MYOT: variants seen among roughly 807,000 people sequenced by gnomAD.
MYOT encodes the protein myotilin, also known as 57 kDa cytoskeletal protein.
MYOT carries 36 observed loss-of-function variants against 58.0 expected under a neutral mutation model. That is an observed-to-expected ratio of 0.62 (90% CI 0.48 to 0.82). The LOEUF (loss-of-function observed/expected upper bound fraction) is 0.82, where lower values mean the gene tolerates loss of function less well. Among genes scored for constraint, MYOT ranks in the 40% least tolerant of loss-of-function variants. The pLI is 0.00. For synonymous variants in MYOT, 218 were observed against 204.6 expected, an observed-to-expected ratio of 1.07 and a Z score of -0.56; for missense variants, 505 against 592.1, an observed-to-expected ratio of 0.85 and a Z score of 1.53.
chr5:137,876,341 A>T, intron 3 of MYOT: 1 of 340,604 alleles, frequency 2.9e-6, no homozygotes, highest in Non-Finnish European at 5.5e-6. Context: ...TATAACACTG[A>T]CAGGTAATTA....
intron 5 of MYOT, 71 bp downstream of exon 5, chr5:137,880,936 T>C: frequency 1.8e-6 from 2 of 1,142,386 alleles, no homozygotes; most frequent in Admixed American, 3.9e-5. Flanking sequence ...AAATGTAATA[T>C]TTATAAAGCC....
intron 2 of MYOT, among the ~76,000 whole-genome samples, chr5:137,871,260 C>T (rs1406844424): frequency 6.6e-6 from 1 of 152,142 alleles, no homozygotes; most frequent in East Asian, 1.9e-4. Flanking sequence ...AATTATTTAC[C>T]CATTATTTTC....
Position 137,882,065 on chromosome 5 carries a change from T to A in MYOT, c.776T>A (p.Met259Lys), listed in dbSNP as rs375509765. 1 of 1,614,022 alleles carries A rather than the reference T, an allele frequency of 6.2e-7. No homozygotes were observed. The highest frequency in any genetic ancestry group is 8.5e-7 in the Non-Finnish European group (1 of 1,180,014). The change falls in exon 6 of 10, where the codon ATG (methionine) becomes AAG (lysine). Residue 259 changes from methionine (M) to lysine (K), a missense_variant. Physicochemically the swap from Met to Lys is moderately conservative, Grantham distance 95. Coordinates refer to ENST00000239926, the MANE Select transcript of MYOT (RefSeq NM_006790.3). Reference sequence around the variant, plus strand: ...CGTTTCATTCAAGTGCCAGAGAACATGTCGATTGATGAAGGAAGATTCTGC... The same window carrying A: ...CGTTTCATTCAAGTGCCAGAGAACAAGTCGATTGATGAAGGAAGATTCTGC... Reference protein sequence around the residue: ...PPRFIQVPENMSIDEGRFCRM... With the variant: ...PPRFIQVPENKSIDEGRFCRM...
At chr5:137,882,212 G>C (rs1011255587) in intron 6 of MYOT, 107 bp downstream of exon 6, 4 of 1,254,736 alleles carry the variant, frequency 3.2e-6, no homozygotes, top group Admixed American at 1.7e-5. Flanking sequence ...ACGTACAATG[G>C]ACAAGAACAC....
In MYOT at chr5:137,886,107, G is replaced by C. The variant is rs755615381; in HGVS notation, c.1084G>C (p.Glu362Gln). 7 of 1,611,412 alleles carry C rather than the reference G, an allele frequency of 4.3e-6. No individual in the cohort carries two copies. Among genetic ancestry groups the C allele is most frequent in the Non-Finnish European group, 5.9e-6 (7 of 1,177,878 alleles). The change falls in exon 8 of 10, where the codon GAG (glutamate) becomes CAG (glutamine). Residue 362 changes from glutamate to glutamine, a missense_variant. Coordinates refer to ENST00000239926, the MANE Select transcript of MYOT (RefSeq NM_006790.3). ...CAAACCACAGAGCAAAAAAGTTTTA[G>C]AGGGAGATTCAGTGAAACTAGAATG... ...IYKPQSKKVL[E>Q]GDSVKLECQI...
At chr5:137,877,362 C>T (rs1365252702) in intron 3 of MYOT, among the ~76,000 whole-genome samples, 158 bp from the exon 4 acceptor site, 22 of 129,040 alleles carry the variant, frequency 1.7e-4, no homozygotes, top group African/African-American at 5.2e-4. Flanking sequence ...AGTAAGACTC[C>T]GTCTCAAAAA....
chr5:137,869,867 T>A (rs1043261617), intron 1 of MYOT, among the ~76,000 whole-genome samples: 3 of 151,348 alleles, frequency 2.0e-5, no homozygotes, highest in African/African-American at 7.4e-5. Flanking sequence ...GGCTCTGGAA[T>A]GCAGCCTGTA....
At chr5:137,885,748 G>A (rs530069765) in intron 7 of MYOT, among the ~76,000 whole-genome samples, 27 of 133,426 alleles carry the variant, frequency 2.0e-4, no homozygotes, top group Admixed American at 6.7e-4. Context: ...CTCCAGCCTG[G>A]GCAAAAGAGC....
At chr5:137,885,959 A>G (rs1755587604) in intron 7 of MYOT, 89 bp from the exon 8 acceptor site, 22 of 862,684 alleles carry the variant, frequency 2.6e-5, no homozygotes, top group Non-Finnish European at 4.0e-5. Context: ...ACATTTTAAT[A>G]TCAACATACA....
intron 5 of MYOT, 150 bp downstream of exon 5, chr5:137,881,015 A>G: frequency 9.8e-6 from 6 of 611,618 alleles, no homozygotes; most frequent in Non-Finnish European, 1.7e-5. Flanking sequence ...GATGACCAAA[A>G]TTTTGACGTT....
rs747546314 is a variant in MYOT, at chr5:137,875,886, T to C, written c.414T>C (p.Asn138=). 1.5e-5 allele frequency: 25 copies of C among 1,613,920 alleles called. No homozygotes were observed. Among genetic ancestry groups the C allele is most frequent in the Middle Eastern group, 3.3e-4 (2 of 6,082 alleles). ...ATGCAAAGCCATCCCAAACTGCAAATGCTAAGCCCATACCAAGAACTCCTG... is the reference window on the plus strand; with the variant it reads ...ATGCAAAGCCATCCCAAACTGCAAACGCTAAGCCCATACCAAGAACTCCTG... The part of the protein sequence containing the change: ...PINAKPSQTA[N]AKPIPRTPDH... Residue 138 remains asparagine, a synonymous_variant, in exon 3 of 10, where the codon AAT becomes AAC. Coordinates refer to ENST00000239926, the MANE Select transcript of MYOT (RefSeq NM_006790.3).
At position 137,887,216 on chromosome 5, in the gene MYOT, G is replaced by A. The variant is rs1390248313; in HGVS notation, c.1328G>A (p.Arg443His). The change falls in exon 10 of 10, where the codon CGT becomes CAT. Residue 443 changes from arginine (R) to histidine (H), a missense_variant. Coordinates refer to ENST00000239926, the MANE Select transcript of MYOT (RefSeq NM_006790.3). ...ACTTTTATGTGATCTATTTCAGCAC[G>A]TCCAAACCAAACTCTTCCAGCTCCT... ...TCNTRLDVTA[R>H]PNQTLPAPKQ... 9.9e-6 allele frequency: 16 copies of A among 1,613,840 alleles called. No individual in the cohort carries two copies. The highest frequency in any genetic ancestry group is 3.3e-5 in the Admixed American group (2 of 60,002).
Position 137,883,553 on chromosome 5 carries a change from CAGG to C in MYOT, c.989_991del (p.Gly330del), listed in dbSNP as rs1341352903. On this transcript the variant is annotated inframe_deletion, in exon 7 of 10. Coordinates refer to ENST00000239926, the MANE Select transcript of MYOT (RefSeq NM_006790.3). ...TATGCATGTGTTGCCAAGAATAGAG[CAGG>C]AGAAGCCACCTTCACTGTGCAGCTG... 4.3e-6 allele frequency: 7 copies of C among 1,614,040 alleles called. No homozygotes were observed. The Admixed American group carries it at 1.2e-4, about 27-fold the overall frequency.
chr5:137,880,475 C>T (rs1755390596), intron 4 of MYOT: 1 of 231,558 alleles, frequency 4.3e-6, no homozygotes, highest in African/African-American at 2.3e-5. Flanking sequence ...TACTAAAGGA[C>T]AATCTGTACT....
chr5:137,879,870 A>T (rs570999790), intron 4 of MYOT, among the ~76,000 whole-genome samples: 1 of 151,994 alleles, frequency 6.6e-6, no homozygotes, highest in Non-Finnish European at 1.5e-5. Context: ...TTACTTTACC[A>T]AAAAATTAGT....
At chr5:137,883,242 T>C in intron 6 of MYOT, 142 bp from the exon 7 acceptor site, 1 of 684,982 alleles carries the variant, frequency 1.5e-6, no homozygotes, top group Non-Finnish European at 2.6e-6. Flanking sequence ...TAAAAAATTA[T>C]AAATACTTTT....
At chr5:137,872,559 A>G (rs1285569044) in intron 2 of MYOT, among the ~76,000 whole-genome samples, 3 of 152,194 alleles carry the variant, frequency 2.0e-5, no homozygotes, top group Non-Finnish European at 2.9e-5. Flanking sequence ...CAGCAACCAC[A>G]GATAACTCTT....
In MYOT at chr5:137,876,035, C is replaced by G. The variant is rs746169789; in HGVS notation, c.531+32C>G. On this transcript the variant is annotated intron_variant, in intron 3 of 9. Transcript: ENST00000239926. ...AAGATGTCTATTTTGTACAAAAGGC[C>G]AATTAAACTATAAAATCTAATTTTA... is the stretch of plus-strand genomic sequence containing the variant. The G allele has an allele frequency of 1.9e-6, 3 of 1,604,954 alleles. No individual in the cohort carries two copies. The African/African-American group carries it at 4.0e-5, about 21-fold the overall frequency.
chr5:137,882,332 T>C (rs974660160), intron 6 of MYOT, among the ~76,000 whole-genome samples: 1 of 152,212 alleles, frequency 6.6e-6, no homozygotes, highest in Non-Finnish European at 1.5e-5. Context: ...TCCTCATCTG[T>C]AAAATGGGAT....
Sources: gnomAD v4.1 joint callset for allele counts (sites outside exome capture counted in the v4.1 genomes callset) on GRCh38, gnomAD v4.1.1 for gene constraint, MANE v1.5 for transcripts, NCBI Gene and HGNC (gene_info 2026-07-23, HGNC 2026-07-21) for gene names.